SCHIP1: variants seen among roughly 807,000 people sequenced by gnomAD.
SCHIP1 encodes schwannomin-interacting protein 1.
Under a neutral mutation model 29.7 loss-of-function variants are expected in SCHIP1, and 8 were observed. That is an observed-to-expected ratio of 0.27 (90% confidence interval 0.16 to 0.49). The LOEUF (loss-of-function observed/expected upper bound fraction) is 0.49, where lower values mean the gene tolerates loss of function less well. SCHIP1 is among the 20% of genes least tolerant of loss of function. SCHIP1 has a pLI of 0.99. For missense variants in SCHIP1, 193 were observed against 294.6 expected (o/e 0.66, Z 2.52); for synonymous variants, 76 against 94.9 (o/e 0.80, Z 1.16).
the SCHIP1 span, among the ~76,000 whole-genome samples, chr3:159,383,046 A>G: frequency 6.7e-6 from 1 of 149,646 alleles, no homozygotes; most frequent in Non-Finnish European, 1.5e-5. Context: ...ATTTTCTCCC[A>G]TTTTGTAGGT....
chr3:159,326,724 G>A, the SCHIP1 span, among the ~76,000 whole-genome samples: 1 of 152,144 alleles, frequency 6.6e-6, no homozygotes, highest in African/African-American at 2.4e-5. Context: ...TGTGAGTGAA[G>A]GAGCTGAGAA....
the SCHIP1 span, among the ~76,000 whole-genome samples, chr3:159,624,659 A>G: frequency 0.043 from 6,562 of 152,238 alleles, 450 homozygotes; most frequent in African/African-American, 0.15. Flanking sequence ...GCAGATAGGC[A>G]TCTACTTGGC....
chr3:159,630,249 T>C, the SCHIP1 span, among the ~76,000 whole-genome samples: 1 of 152,190 alleles, frequency 6.6e-6, no homozygotes, highest in Non-Finnish European at 1.5e-5. Context: ...TTAATCTCAA[T>C]GGTTATGCGG....
intron 1 of SCHIP1, among the ~76,000 whole-genome samples, chr3:159,851,469 C>T (rs1444644423): frequency 6.6e-6 from 1 of 152,076 alleles, no homozygotes; most frequent in Admixed American, 6.6e-5. Flanking sequence ...AATATCTACT[C>T]CAAAAGATTA....
the SCHIP1 span, among the ~76,000 whole-genome samples, chr3:159,299,582 G>A: frequency 0.018 from 2,732 of 152,268 alleles, 68 homozygotes; most frequent in African/African-American, 0.062. Flanking sequence ...AAAGAAAAAT[G>A]TGTGTTCCTC....
At chr3:159,799,218 G>A in the SCHIP1 span, among the ~76,000 whole-genome samples, 1 of 152,192 alleles carries the variant, frequency 6.6e-6, no homozygotes, top group South Asian at 2.1e-4. Context: ...CACCACTGGG[G>A]CACTCAGACA....
At chr3:159,458,502 G>A in the SCHIP1 span, among the ~76,000 whole-genome samples, 9 of 152,108 alleles carry the variant, frequency 5.9e-5, no homozygotes, top group Admixed American at 5.9e-4. Context: ...AGTGGACTCA[G>A]CATGGGCAAT....
At chr3:159,481,576 T>A in the SCHIP1 span, among the ~76,000 whole-genome samples, 3 of 152,184 alleles carry the variant, frequency 2.0e-5, no homozygotes, top group Non-Finnish European at 4.4e-5. Context: ...TTTTTATTTG[T>A]TAAATCTGGC....
the SCHIP1 span, among the ~76,000 whole-genome samples, chr3:159,744,317 CT>C: frequency 2.0e-5 from 3 of 152,148 alleles, no homozygotes; most frequent in Admixed American, 6.5e-5. Context: ...GATCAAAAAA[CT>C]TTAAAATGTT....
At chr3:159,817,472 C>A in the SCHIP1 span, among the ~76,000 whole-genome samples, 1 of 152,158 alleles carries the variant, frequency 6.6e-6, no homozygotes, top group Non-Finnish European at 1.5e-5. Context: ...GGGTTTAAAG[C>A]AGTTTCCTCA....
the SCHIP1 span, among the ~76,000 whole-genome samples, chr3:159,543,469 T>G: frequency 4.7e-5 from 7 of 148,990 alleles, 1 homozygote; most frequent in South Asian, 1.5e-3. Context: ...CAAGCGGTGT[T>G]TGGTTTTTTG....
the SCHIP1 span, among the ~76,000 whole-genome samples, chr3:159,714,894 A>T: frequency 1.3e-5 from 2 of 152,222 alleles, no homozygotes; most frequent in African/African-American, 4.8e-5. Context: ...TGAAGAGAGT[A>T]GTGGTTCTCC....
At chr3:159,708,771 TGACCTGAGTCTAAAGA>T in the SCHIP1 span, among the ~76,000 whole-genome samples, 1 of 152,156 alleles carries the variant, frequency 6.6e-6, no homozygotes, top group Non-Finnish European at 1.5e-5. Flanking sequence ...ATGAACCAAG[TGACCTGAGTCTAAAGA>T]GAACCTCAAG....
the SCHIP1 span, among the ~76,000 whole-genome samples, chr3:159,643,427 A>G: frequency 6.6e-5 from 10 of 152,058 alleles, no homozygotes; most frequent in African/African-American, 2.4e-4. Context: ...GAGTACCAAC[A>G]GACTCATTTA....
At chr3:159,424,370 G>T in the SCHIP1 span, among the ~76,000 whole-genome samples, 2 of 152,158 alleles carry the variant, frequency 1.3e-5, no homozygotes, top group Non-Finnish European at 2.9e-5. Flanking sequence ...TGAAAGCCAA[G>T]GCTCGAGAAC....
chr3:159,537,242 T>G, the SCHIP1 span, among the ~76,000 whole-genome samples: 2 of 152,120 alleles, frequency 1.3e-5, no homozygotes, highest in African/African-American at 4.8e-5. Flanking sequence ...TGATTGCAGT[T>G]CACCCCAGTT....
the SCHIP1 span, among the ~76,000 whole-genome samples, chr3:159,456,540 C>T: frequency 5.9e-5 from 9 of 152,264 alleles, no homozygotes; most frequent in African/African-American, 1.9e-4. Flanking sequence ...GATCTTTTCT[C>T]ACATTTTAAA....
the SCHIP1 span, among the ~76,000 whole-genome samples, chr3:159,597,654 T>TAC: frequency 6.6e-6 from 1 of 152,208 alleles, no homozygotes; most frequent in South Asian, 2.1e-4. Flanking sequence ...TGTGTATATA[T>TAC]ACCACATTTT....
At chr3:159,782,240 G>A in the SCHIP1 span, among the ~76,000 whole-genome samples, 1 of 152,248 alleles carries the variant, frequency 6.6e-6, no homozygotes, top group African/African-American at 2.4e-5. Context: ...TTCATTAGAT[G>A]CCCATACTGG....
Sources: gnomAD v4.1 joint callset for allele counts (sites outside exome capture counted in the v4.1 genomes callset) on GRCh38, gnomAD v4.1.1 for gene constraint, MANE v1.5 for transcripts, NCBI Gene and HGNC (gene_info 2026-07-23, HGNC 2026-07-21) for gene names.